The following NWD1 variants were observed in gnomAD, a reference collection of about 807,000 sequenced individuals.
NWD1 encodes NACHT domain- and WD repeat-containing protein 1.
Under a neutral mutation model 135.1 loss-of-function variants are expected in NWD1, and 129 were observed. That is an observed-to-expected ratio of 0.96 (90% CI 0.83 to 1.11). The LOEUF (loss-of-function observed/expected upper bound fraction) is 1.11, where lower values mean the gene tolerates loss of function less well. NWD1 is among the 50% of genes least tolerant of loss of function. The pLI is 0.00. For synonymous variants in NWD1, 773 were observed against 786.0 expected, an observed-to-expected ratio of 0.98 and a Z score of 0.28; for missense variants, 1,740 against 1,851.3, an observed-to-expected ratio of 0.94 and a Z score of 1.10.
chr19:16,774,816 C>T (rs1261568478), intron 11 of NWD1, among the ~76,000 whole-genome samples: 1 of 151,958 alleles, frequency 6.6e-6, no homozygotes, highest in Non-Finnish European at 1.5e-5. Context: ...CTTATCCTTC[C>T]ATTTTCTTCA....
intron 8 of NWD1, among the ~76,000 whole-genome samples, 166 bp from the exon 9 acceptor site, chr19:16,763,662 C>T (rs1489471953): frequency 6.6e-6 from 1 of 152,178 alleles, no homozygotes; most frequent in Non-Finnish European, 1.5e-5. Context: ...CAGATGTCGT[C>T]CTCTGCTCCA....
chr19:16,732,678 G>GAAAAAAAAAAAAA (rs1967629872), intron 3 of NWD1, among the ~76,000 whole-genome samples: 43 of 51,636 alleles, frequency 8.3e-4, no homozygotes, highest in Non-Finnish European at 1.2e-3. Flanking sequence ...AAGAAAAAGT[G>GAAAAAAAAAAAAA]AAAAAGTGCA....
intron 4 of NWD1, among the ~76,000 whole-genome samples, chr19:16,737,778 C>G (rs1026438023): frequency 9.9e-5 from 15 of 151,698 alleles, no homozygotes; most frequent in African/African-American, 3.2e-4. Flanking sequence ...TTGAGACCAG[C>G]CTGGGCAACA....
intron 12 of NWD1, among the ~76,000 whole-genome samples, chr19:16,783,625 A>T (rs1408995958): frequency 6.7e-6 from 1 of 148,522 alleles, no homozygotes; most frequent in Non-Finnish European, 1.5e-5. Flanking sequence ...AAAGAGCAAA[A>T]CTCCATCTCA....
chr19:16,766,032 A>AAAG (rs1568364425), intron 10 of NWD1, among the ~76,000 whole-genome samples: 8 of 144,750 alleles, frequency 5.5e-5, no homozygotes, highest in Middle Eastern at 6.8e-3. Flanking sequence ...AAAAAAAAAA[A>AAAG]AAAGAAAGAA....
At chr19:16,756,923 G>A (rs1017285884) in intron 6 of NWD1, among the ~76,000 whole-genome samples, 1 of 152,074 alleles carries the variant, frequency 6.6e-6, no homozygotes, top group Non-Finnish European at 1.5e-5. Flanking sequence ...GTTGGGAACT[G>A]CGCATATGAG....
chr19:16,770,241 T>G (rs1568366999), intron 10 of NWD1, among the ~76,000 whole-genome samples: 1 of 151,828 alleles, frequency 6.6e-6, no homozygotes, highest in African/African-American at 2.4e-5. Flanking sequence ...ATCATGGAGG[T>G]GTTTTCCTCC....
At chr19:16,732,463 G>A (rs2122705670) in intron 3 of NWD1, among the ~76,000 whole-genome samples, 1 of 151,686 alleles carries the variant, frequency 6.6e-6, no homozygotes, top group Admixed American at 6.6e-5. Context: ...GTATAAGAGG[G>A]CTTTGCGATA....
chr19:16,728,337 T>G (rs1244767672), intron 2 of NWD1, among the ~76,000 whole-genome samples: 1 of 141,380 alleles, frequency 7.1e-6, no homozygotes. Flanking sequence ...CAGGCTGGAG[T>G]GCAGTGGTGC....
Position 16,744,563 on chromosome 19 carries a change from C to A in NWD1, c.341C>A (p.Ala114Glu), listed in dbSNP as rs778376303. The A allele has an allele frequency of 2.5e-5, 39 of 1,535,160 alleles. No individual in the cohort carries two copies. Among genetic ancestry groups the A allele is most frequent in the Non-Finnish European group, 3.0e-5 (34 of 1,146,438 alleles). ...VARYFQRDEN[A>E]FPPTYVLQAP... ...CGATACTTCCAGAGGGACGAGAATGCGTTTCCTCCCACCTACGTCCTGCAG... is the reference window on the plus strand; with the variant it reads ...CGATACTTCCAGAGGGACGAGAATGAGTTTCCTCCCACCTACGTCCTGCAG... The change falls in exon 5 of 19, where the codon GCG becomes GAG. Residue 114 changes from alanine to glutamate, a missense_variant. Ala to Glu is a moderately radical substitution (Grantham distance 107). Coordinates refer to ENST00000524140, the MANE Select transcript of NWD1 (RefSeq NM_001007525.5).
chr19:16,775,470 G>A (rs1479258526), intron 11 of NWD1, among the ~76,000 whole-genome samples: 4 of 152,008 alleles, frequency 2.6e-5, no homozygotes, highest in Non-Finnish European at 4.4e-5. Flanking sequence ...GTCCTCGTTG[G>A]CCCAATATAG....
At position 16,773,265 on chromosome 19, in the gene NWD1, A is replaced by AGGATTCCTCCAGCCCCCG. The variant is rs1419158740; in HGVS notation, c.2554_2571dup (p.Phe852_Gly857dup). 1 of 1,613,416 alleles carries AGGATTCCTCCAGCCCCCG rather than the reference A, an allele frequency of 6.2e-7. No individual in the cohort carries two copies. Among genetic ancestry groups the AGGATTCCTCCAGCCCCCG allele is most frequent in the Non-Finnish European group, 8.5e-7 (1 of 1,180,028 alleles). Reference sequence around the variant, plus strand: ...CACACCCTGTGCTGGTGCCCCTCGGAGGATTCCTCCAGCCCCCGGGAGGAC... The same window carrying AGGATTCCTCCAGCCCCCG: ...CACACCCTGTGCTGGTGCCCCTCGGAGGATTCCTCCAGCCCCCGGGATTCCTCCAGCCCCCGGGAGGAC... On this transcript the variant is annotated inframe_insertion, in exon 11 of 19. Coordinates refer to ENST00000524140, the MANE Select transcript of NWD1 (RefSeq NM_001007525.5).
At chr19:16,779,525 G>A in intron 12 of NWD1, 60 bp downstream of exon 12, 1 of 1,535,596 alleles carries the variant, frequency 6.5e-7, no homozygotes, top group East Asian at 2.3e-5. Flanking sequence ...GGTTCTCAGA[G>A]CCCCTTCCCC....
At chr19:16,812,660 A>G in intron 18 of NWD1, 2 of 765,828 alleles carry the variant, frequency 2.6e-6, no homozygotes, top group Admixed American at 1.7e-5. Flanking sequence ...CAAGAGTGAA[A>G]CTCCATCTCA....
At chr19:16,770,553 C>A (rs773839) in intron 10 of NWD1, among the ~76,000 whole-genome samples, 3 of 151,870 alleles carry the variant, frequency 2.0e-5, no homozygotes, top group African/African-American at 7.3e-5. Context: ...CCACCGTGTC[C>A]ATTGAAATCT....
chr19:16,738,794 CAT>C (rs1186514018), intron 4 of NWD1, among the ~76,000 whole-genome samples: 4 of 119,248 alleles, frequency 3.4e-5, no homozygotes, highest in African/African-American at 1.5e-4. Context: ...TATATAATAA[CAT>C]ATAACATACT....
At chr19:16,744,748 C>G in intron 5 of NWD1, 30 bp downstream of exon 5, 1 of 1,520,694 alleles carries the variant, frequency 6.6e-7, no homozygotes, top group Non-Finnish European at 8.8e-7. Flanking sequence ...CCTCTGGAGA[C>G]CCACAAGAAA....
intron 10 of NWD1, among the ~76,000 whole-genome samples, chr19:16,766,349 CTG>C (rs939666557): frequency 2.0e-5 from 3 of 152,120 alleles, no homozygotes; most frequent in African/African-American, 7.2e-5. Flanking sequence ...CTGCAGTAAA[CTG>C]TGATTGCTCC....
rs1970537547 is a variant in NWD1, at chr19:16,799,759, C to T, written c.3460-127C>T. The T allele has an allele frequency of 5.2e-6, 4 of 774,268 alleles. No individual in the cohort carries two copies. In the South Asian group the frequency reaches 8.0e-5, roughly 15 times the overall value. 48.0% of individuals were successfully genotyped at this position (774,268 alleles called of 1,614,324 possible). A position where few individuals can be genotyped will look rare whatever the true frequency, so the allele number is the denominator to read the frequency against. On this transcript the variant is annotated intron_variant, in intron 16 of 18. Transcript: ENST00000524140. ...CTGACCTCAGGTGATCCACCTGCCT[C>T]AGCCTCCCAAAGTGTTGGGATTACA...
Sources: allele counts gnomAD v4.1 joint callset (sites outside exome capture counted in the v4.1 genomes callset), GRCh38; gene constraint gnomAD v4.1.1; transcripts MANE v1.5; gene names NCBI Gene and HGNC (gene_info 2026-07-23, HGNC 2026-07-21).